Variants in RPP30 observed in about 807,000 individuals in gnomAD.
RPP30 encodes ribonuclease P/MRP subunit p30.
A neutral mutation model predicts 38.6 loss-of-function variants in RPP30; 36 were observed. The ratio of observed to expected loss-of-function variants is 0.93; its 90% CI spans 0.71 to 1.23. The LOEUF (loss-of-function observed/expected upper bound fraction) is 1.23, where lower values mean the gene tolerates loss of function less well. Among genes scored for constraint, RPP30 ranks in the 50% most tolerant of loss-of-function variants. The pLI, the probability that RPP30 is intolerant of heterozygous loss-of-function variation, is 0.00. For synonymous variants in RPP30, 126 were observed against 112.7 expected (o/e 1.12, Z -0.75); for missense variants, 321 against 321.7 (o/e 1.00, Z 0.02).
At chr10:90,888,551 CA>C (rs1471447777) in intron 6 of RPP30, among the ~76,000 whole-genome samples, 1 of 152,114 alleles carries the variant, frequency 6.6e-6, no homozygotes, top group African/African-American at 2.4e-5. Flanking sequence ...TTGAACTTAG[CA>C]TATCAGGGTA....
intron 6 of RPP30, among the ~76,000 whole-genome samples, chr10:90,891,428 A>G (rs559025729): frequency 1.3e-5 from 2 of 152,292 alleles, no homozygotes; most frequent in East Asian, 3.9e-4. Context: ...AATTACATCT[A>G]CAGTGACCCT....
chr10:90,901,713 A>G lies in RPP30; in HGVS notation c.*1034A>G, dbSNP rs1300487704. The G allele has an allele frequency of 3.0e-6, 3 of 984,138 alleles. No homozygotes were observed. The highest frequency in any genetic ancestry group is 6.1e-5 in the Admixed American group (1 of 16,268). 61.0% of individuals were successfully genotyped at this position (984,138 alleles called of 1,614,324 possible). A position where few individuals can be genotyped will look rare whatever the true frequency, so the allele number is the denominator to read the frequency against. ...ATGCAAATACATGCATTTATGCAATATTAATGTAAGGGCTCTAAAACAATG... is the reference window on the plus strand; with the variant it reads ...ATGCAAATACATGCATTTATGCAATGTTAATGTAAGGGCTCTAAAACAATG... On this transcript the variant is annotated 3_prime_UTR_variant, in exon 11 of 11. Transcript: ENST00000371703.
intron 1 of RPP30, 118 bp downstream of exon 1, chr10:90,872,186 T>A: frequency 5.7e-6 from 5 of 872,554 alleles, no homozygotes; most frequent in Non-Finnish European, 7.7e-6. Context: ...CTCTGGGATG[T>A]CCCTGGAGGC....
At chr10:90,897,429 A>G (rs1847153085) in intron 10 of RPP30, among the ~76,000 whole-genome samples, 1 of 152,212 alleles carries the variant, frequency 6.6e-6, no homozygotes. Context: ...CGTAAATTAG[A>G]TGATTTTGCT....
At chr10:90,888,042 G>A (rs568984339) in intron 6 of RPP30, among the ~76,000 whole-genome samples, 6 of 152,178 alleles carry the variant, frequency 3.9e-5, no homozygotes, top group Non-Finnish European at 7.3e-5. Context: ...TCTCTCCAGA[G>A]GTAGCAATCT....
chr10:90,883,243 T>C, intron 5 of RPP30, among the ~76,000 whole-genome samples: 1 of 151,980 alleles, frequency 6.6e-6, no homozygotes, highest in East Asian at 1.9e-4. Context: ...ATGTGTGCAT[T>C]TTTATGGGAA....
At chr10:90,904,318 C>T (rs894904573), downstream of RPP30, among the ~76,000 whole-genome samples, 20 of 152,136 alleles carry the variant, frequency 1.3e-4, no homozygotes, top group Non-Finnish European at 2.2e-4. Flanking sequence ...TACAGCATAC[C>T]AGTTAAGTGC....
chr10:90,907,877 G>A (rs373675207), downstream of RPP30, among the ~76,000 whole-genome samples: 2 of 152,144 alleles, frequency 1.3e-5, no homozygotes, highest in East Asian at 1.9e-4. Context: ...ACAGGGATAC[G>A]TTCTGAAAGG....
chr10:90,875,187 T>A (rs1435502062), intron 2 of RPP30, among the ~76,000 whole-genome samples: 1 of 152,172 alleles, frequency 6.6e-6, no homozygotes. Context: ...AAGTGCATTG[T>A]TATTGGCTGG....
intron 10 of RPP30, among the ~76,000 whole-genome samples, chr10:90,897,326 T>G (rs1456042890): frequency 6.6e-6 from 1 of 152,228 alleles, no homozygotes; most frequent in Non-Finnish European, 1.5e-5. Context: ...ACTGAGTTAT[T>G]TGTCATATGA....
chr10:90,889,734 G>A (rs1285121155), intron 6 of RPP30, among the ~76,000 whole-genome samples: 1 of 152,008 alleles, frequency 6.6e-6, no homozygotes, highest in East Asian at 1.9e-4. Flanking sequence ...TGTGAAGGAG[G>A]GCCCAGGAGC....
chr10:90,891,031 G>C (rs914469992), intron 6 of RPP30, among the ~76,000 whole-genome samples: 1 of 152,224 alleles, frequency 6.6e-6, no homozygotes, highest in African/African-American at 2.4e-5. Context: ...GCTCGTAACT[G>C]TGTAAATGAG....
chr10:90,896,408 C>T lies in RPP30; in HGVS notation c.697+16C>T, dbSNP rs555226851. ...CTCCATGGAGGTAAGCAAGTTCTTC[C>T]AGTACAAACTGAATGGTCATGTTAA... On this transcript the variant is annotated intron_variant, in intron 10 of 10. Coordinates refer to ENST00000371703, the MANE Select transcript of RPP30 (RefSeq NM_006413.5). 2.5e-6 allele frequency: 4 copies of T among 1,603,904 alleles called. No homozygotes were observed. Among genetic ancestry groups the T allele is most frequent in the Admixed American group, 3.3e-5 (2 of 59,966 alleles).
At position 90,894,738 on chromosome 10, in the gene RPP30, T is replaced by C. The variant is rs753011120; in HGVS notation, c.433-37T>C. On this transcript the variant is annotated intron_variant, in intron 6 of 10. Coordinates refer to ENST00000371703, the MANE Select transcript of RPP30 (RefSeq NM_006413.5). ...AGTGAAAATGAAGTAGGCCAGTGCA[T>C]GCTTATCTCTGACAGTTCTCTTTAT... The C allele has an allele frequency of 4.3e-5, 63 of 1,448,442 alleles. 1 individual carries two copies. The highest frequency in any genetic ancestry group is 5.9e-5 in the Non-Finnish European group (61 of 1,030,078). 89.7% of individuals were successfully genotyped at this position (1,448,442 alleles called of 1,614,324 possible).
intron 6 of RPP30, among the ~76,000 whole-genome samples, chr10:90,890,767 T>C (rs1474682489): frequency 6.6e-6 from 1 of 151,430 alleles, no homozygotes; most frequent in Non-Finnish European, 1.5e-5. Flanking sequence ...ATAGACAAAA[T>C]GCTTATTCCC....
chr10:90,894,553 C>T (rs953270334), intron 6 of RPP30, among the ~76,000 whole-genome samples: 1 of 152,188 alleles, frequency 6.6e-6, no homozygotes, highest in South Asian at 2.1e-4. Flanking sequence ...TCAGCTTCCC[C>T]ACAGCCAAGT....
At chr10:90,889,414 A>G (rs1046528376) in intron 6 of RPP30, among the ~76,000 whole-genome samples, 5 of 149,912 alleles carry the variant, frequency 3.3e-5, no homozygotes, top group Non-Finnish European at 7.4e-5. Context: ...AGTTCAAGCA[A>G]TTCTCCTGTC....
intron 3 of RPP30, 71 bp downstream of exon 3, chr10:90,875,685 T>C: frequency 7.6e-7 from 1 of 1,317,038 alleles, no homozygotes; most frequent in Non-Finnish European, 1.1e-6. Context: ...TATTGTGCTA[T>C]TCTCTAGCTT....
chr10:90,908,493 C>G (rs747815689), exon 5 of RPP30: 9 of 152,166 alleles, frequency 5.9e-5, no homozygotes, highest in Non-Finnish European at 1.2e-4. Flanking sequence ...GTGCCTGTTT[C>G]CTGTCTCGCT....
Sources: allele counts gnomAD v4.1 joint callset (sites outside exome capture counted in the v4.1 genomes callset), GRCh38; gene constraint gnomAD v4.1.1; transcripts MANE v1.5; gene names NCBI Gene and HGNC (gene_info 2026-07-23, HGNC 2026-07-21).